Variants in RNF216 observed in about 807,000 individuals in gnomAD.
RNF216 encodes the protein E3 ubiquitin-protein ligase RNF216.
A neutral mutation model predicts 110.8 loss-of-function variants in RNF216; 72 were observed. The observed-to-expected ratio is 0.65, with a 90% CI of 0.54 to 0.79. The LOEUF is 0.79. Ranked by LOEUF, RNF216 falls within the 30% of genes least tolerant of loss-of-function variation. The pLI, the probability that RNF216 is intolerant of heterozygous loss-of-function variation, is 0.00. For missense variants in RNF216, 1,342 were observed against 1,141.2 expected (o/e 1.18, Z -2.54); for synonymous variants, 495 against 407.5 (o/e 1.21, Z -2.59).
chr7:5,754,119 GGTGTGTGTGTGTGTGTGTGT>G (rs10543449), intron 2 of RNF216, among the ~76,000 whole-genome samples: 6 of 142,098 alleles, frequency 4.2e-5, no homozygotes, highest in Admixed American at 1.4e-4. Context: ...TCTTTTGTGT[GGTGTGTGTGTGTGTGTGTGT>G]GTGTGTGTGT....
intron 14 of RNF216, among the ~76,000 whole-genome samples, chr7:5,642,759 G>T (rs926597990): frequency 6.6e-6 from 1 of 152,184 alleles, no homozygotes; most frequent in Non-Finnish European, 1.5e-5. Context: ...GATTACAAGC[G>T]TGAGCCACTG....
Position 5,645,244 on chromosome 7 carries a change from T to C in RNF216, c.2160-3868A>G, listed in dbSNP as rs548516904. Among the ~76,000 whole-genome samples, 6 of 152,214 alleles carry C rather than the reference T, an allele frequency of 3.9e-5. No individual in the cohort carries two copies. The South Asian group carries it at 1.2e-3, about 32-fold the overall frequency. The stretch of plus-strand genomic sequence containing the variant: ...TTGAGTTCATCCTACTTGGAATTCA[T>C]TCAGCTTCTTGGATGTATAGACTCT... On this transcript the variant is annotated intron_variant, in intron 14 of 16. Transcript: ENST00000389902.
At chr7:5,678,176 A>G (rs1385571643) in intron 13 of RNF216, among the ~76,000 whole-genome samples, 1 of 152,074 alleles carries the variant, frequency 6.6e-6, no homozygotes, top group Non-Finnish European at 1.5e-5. Context: ...ATCTAGGTTT[A>G]CTTCTGAGGC....
chr7:5,762,766 G>C (rs757797088), intron 1 of RNF216, among the ~76,000 whole-genome samples: 4 of 152,122 alleles, frequency 2.6e-5, no homozygotes, highest in Non-Finnish European at 5.9e-5. Context: ...CTTCAGGACA[G>C]TGACTATTTC....
At chr7:5,649,103 C>T (rs1788225871) in intron 14 of RNF216, among the ~76,000 whole-genome samples, 1 of 152,114 alleles carries the variant, frequency 6.6e-6, no homozygotes, top group Non-Finnish European at 1.5e-5. Context: ...GACGGCCGGG[C>T]GGGCGCGGTG....
chr7:5,760,553 CA>C, intron 2 of RNF216: 8 of 290,992 alleles, frequency 2.7e-5, no homozygotes, highest in South Asian at 1.1e-4. Flanking sequence ...AACTGTAGAA[CA>C]AAAAAATACA....
chr7:5,684,844 A>G (rs1330651549), intron 13 of RNF216, among the ~76,000 whole-genome samples: 1 of 152,016 alleles, frequency 6.6e-6, no homozygotes, highest in Admixed American at 6.5e-5. Flanking sequence ...AAGGTGATGA[A>G]AAGAGAGGTC....
At chr7:5,766,625 C>T (rs946438938) in intron 1 of RNF216, among the ~76,000 whole-genome samples, 7 of 152,182 alleles carry the variant, frequency 4.6e-5, no homozygotes, top group African/African-American at 1.7e-4. Context: ...TCTCAGACTT[C>T]CAAATTCCAG....
At chr7:5,634,278 T>C (rs1163712973) in intron 15 of RNF216, among the ~76,000 whole-genome samples, 1 of 149,082 alleles carries the variant, frequency 6.7e-6, no homozygotes, top group Admixed American at 6.7e-5. Context: ...GAATTGCAAG[T>C]CGACTGGTGC....
At chr7:5,635,809 T>C (rs1787364122) in intron 15 of RNF216, among the ~76,000 whole-genome samples, 1 of 152,246 alleles carries the variant, frequency 6.6e-6, no homozygotes, top group Non-Finnish European at 1.5e-5. Context: ...TCTATAAATG[T>C]TAGGCTCAGT....
intron 13 of RNF216, among the ~76,000 whole-genome samples, chr7:5,672,539 A>G (rs1789984923): frequency 6.6e-6 from 1 of 152,220 alleles, no homozygotes; most frequent in Admixed American, 6.5e-5. Flanking sequence ...TGGACTTTGA[A>G]TTGATGTTCT....
rs1791630608 is a variant in RNF216 at position 5,696,400 on chromosome 7, G to C, written c.2061+15361C>G. The stretch of plus-strand genomic sequence containing the variant: ...TTTTTAAATGACTGGGAAAAAACTT[G>C]TGAAGGTTACATGGTTTCCTCCTTA... On this transcript the variant is annotated intron_variant, in intron 13 of 16. Transcript: ENST00000389902. This position sits in a 1 kb window ranked among gnomAD's most constrained non-coding sequence, Gnocchi z 5.4. Among the ~76,000 whole-genome samples the C allele has an allele frequency of 6.6e-6, 1 of 152,192 alleles. No individual in the cohort carries two copies. The highest frequency in any genetic ancestry group is 1.5e-5 in the Non-Finnish European group (1 of 68,044).
intron 13 of RNF216, among the ~76,000 whole-genome samples, chr7:5,664,148 G>C (rs558257533): frequency 2.2e-4 from 34 of 152,274 alleles, no homozygotes; most frequent in Admixed American, 2.6e-4. Flanking sequence ...TCCATGCAGA[G>C]AGTTGTTTTT....
intron 14 of RNF216, among the ~76,000 whole-genome samples, chr7:5,647,522 G>A (rs150335150): frequency 2.6e-5 from 4 of 151,694 alleles, no homozygotes; most frequent in African/African-American, 7.3e-5. Flanking sequence ...TCTGTACAGA[G>A]AGGGTCTCAC....
At chr7:5,708,800 G>C (rs1792467357) in intron 13 of RNF216, among the ~76,000 whole-genome samples, 2 of 152,162 alleles carry the variant, frequency 1.3e-5, no homozygotes, top group Non-Finnish European at 2.9e-5. Context: ...TCTGCCAGCA[G>C]TGAGTTGGGT....
intron 13 of RNF216, among the ~76,000 whole-genome samples, chr7:5,691,001 C>A (rs1791301447): frequency 6.6e-6 from 1 of 152,216 alleles, no homozygotes; most frequent in Non-Finnish European, 1.5e-5. Flanking sequence ...AGCTCCACCT[C>A]CACACACCCC....
chr7:5,670,122 C>T (rs994679455), intron 13 of RNF216, among the ~76,000 whole-genome samples: 5 of 151,882 alleles, frequency 3.3e-5, no homozygotes, highest in Non-Finnish European at 5.9e-5. Context: ...TTAGTAGAGA[C>T]GGGGCTTCAC....
At chr7:5,709,107 C>T (rs1262126348) in intron 13 of RNF216, among the ~76,000 whole-genome samples, 3 of 152,102 alleles carry the variant, frequency 2.0e-5, no homozygotes, top group South Asian at 2.1e-4. Context: ...CCTTCCCTCC[C>T]GAGAAGAGCA....
chr7:5,639,847 C>A (rs556562678), intron 15 of RNF216, among the ~76,000 whole-genome samples: 1 of 151,966 alleles, frequency 6.6e-6, no homozygotes, highest in East Asian at 1.9e-4. Context: ...GCAAGCTCTG[C>A]CTCCTGGGTT....
Sources: gnomAD v4.1 joint callset for allele counts (sites outside exome capture counted in the v4.1 genomes callset) on GRCh38, gnomAD v4.1.1 for gene constraint, Gnocchi (gnomAD v3.1) non-coding constraint, MANE v1.5 for transcripts, NCBI Gene and HGNC (gene_info 2026-07-23, HGNC 2026-07-21) for gene names.